Variants in AGMO observed in about 807,000 individuals in gnomAD.
The protein encoded by AGMO is glyceryl-ether monooxygenase.
A neutral mutation model predicts 60.2 loss-of-function variants in AGMO; 75 were observed. The ratio of observed to expected loss-of-function variants is 1.25; its 90% CI spans 1.03 to 1.51. AGMO has a LOEUF of 1.51. Ranked by LOEUF, AGMO falls within the 40% of genes most tolerant of loss-of-function variation. AGMO has a pLI of 0.00. For missense variants in AGMO, 763 were observed against 525.5 expected (o/e 1.45, Z -4.42); for synonymous variants, 261 against 177.1 (o/e 1.47, Z -3.76).
At chr7:15,505,004 T>C (rs936984317) in intron 3 of AGMO, among the ~76,000 whole-genome samples, 10 of 152,020 alleles carry the variant, frequency 6.6e-5, no homozygotes, top group African/African-American at 2.2e-4. Flanking sequence ...TTTAGAATTC[T>C]TGTGTGCTCC....
the AGMO span, among the ~76,000 whole-genome samples, chr7:15,153,489 T>C: frequency 6.6e-6 from 1 of 152,190 alleles, no homozygotes; most frequent in African/African-American, 2.4e-5. Context: ...TAGATTGAAG[T>C]CTTTGATCCA....
intron 5 of AGMO, among the ~76,000 whole-genome samples, chr7:15,413,122 G>C (rs1780662466): frequency 6.6e-6 from 1 of 152,170 alleles, no homozygotes; most frequent in African/African-American, 2.4e-5. Context: ...GTAAGTGAAA[G>C]AGCCTCTCAG....
chr7:15,219,069 C>G lies in AGMO; in HGVS notation c.1264-17710G>C, dbSNP rs191189309. The stretch of plus-strand genomic sequence containing the variant: ...ATTGTAGCTTCATACATTTACTGAT[C>G]AAATTTGTATTAAGTACCTCCATGC... On this transcript the variant is annotated intron_variant, in intron 12 of 12. Coordinates refer to ENST00000342526, the MANE Select transcript of AGMO (RefSeq NM_001004320.2). Among the ~76,000 whole-genome samples the G allele has an allele frequency of 3.1e-3, 469 of 152,222 alleles. 2 individuals carry two copies. Among genetic ancestry groups the G allele is most frequent in the Non-Finnish European group, 4.9e-3 (330 of 68,014 alleles).
chr7:15,292,049 A>G (rs1283544762), intron 12 of AGMO, among the ~76,000 whole-genome samples: 1 of 131,832 alleles, frequency 7.6e-6, no homozygotes, highest in Admixed American at 8.5e-5. Flanking sequence ...TTAGACTATA[A>G]TCTGCAGACA....
At chr7:15,454,912 G>T (rs563009191) in intron 3 of AGMO, among the ~76,000 whole-genome samples, 4 of 152,060 alleles carry the variant, frequency 2.6e-5, no homozygotes, top group African/African-American at 9.6e-5. Flanking sequence ...AGATGCAACC[G>T]CTTTGAACCA....
At chr7:15,268,472 T>C (rs1207520289) in intron 12 of AGMO, among the ~76,000 whole-genome samples, 1 of 152,042 alleles carries the variant, frequency 6.6e-6, no homozygotes, top group Non-Finnish European at 1.5e-5. Flanking sequence ...AAGAAAAATG[T>C]ATGCATGCAT....
rs1163885190 is a variant in AGMO at position 15,483,408 on chromosome 7, T to C, written c.410-52300A>G. Among the ~76,000 whole-genome samples, 5 of 116,728 alleles carry C rather than the reference T, an allele frequency of 4.3e-5. No homozygotes were observed. The South Asian group carries it at 1.1e-3, about 26-fold the overall frequency. The allele number at this position is 116,728 out of a possible 152,430, so 76.6% of individuals were successfully genotyped here. A position where few individuals can be genotyped will look rare whatever the true frequency, so the allele number is the denominator to read the frequency against. ...GGTGAAACCCCGTCTCTACTAAAAA[T>C]ACAAAAAATTAGCCGGGCGTGGTGG... On this transcript the variant is annotated intron_variant, in intron 3 of 12. Transcript: ENST00000342526.
At chr7:15,514,423 C>T (rs527509358) in intron 3 of AGMO, among the ~76,000 whole-genome samples, 1 of 152,272 alleles carries the variant, frequency 6.6e-6, no homozygotes, top group Non-Finnish European at 1.5e-5. Context: ...AGCCACTGAA[C>T]ACACAATGAT....
chr7:15,405,228 A>G (rs1006768423), intron 5 of AGMO, among the ~76,000 whole-genome samples: 1 of 151,996 alleles, frequency 6.6e-6, no homozygotes, highest in African/African-American at 2.4e-5. Flanking sequence ...ACAATAAACA[A>G]ACATATTGTA....
chr7:15,165,565 A>G, the AGMO span, among the ~76,000 whole-genome samples: 2 of 152,196 alleles, frequency 1.3e-5, no homozygotes, highest in East Asian at 1.9e-4. Flanking sequence ...GATAAAGTGT[A>G]TATTATTTTA....
the AGMO span, among the ~76,000 whole-genome samples, chr7:15,129,714 G>A: frequency 6.6e-6 from 1 of 152,090 alleles, no homozygotes; most frequent in Non-Finnish European, 1.5e-5. Context: ...TGCATTATGG[G>A]TGGTTTTGCC....
chr7:15,349,361 A>G (rs1354279360), intron 12 of AGMO, among the ~76,000 whole-genome samples: 1 of 152,156 alleles, frequency 6.6e-6, no homozygotes, highest in Non-Finnish European at 1.5e-5. Context: ...GTTTATAGCA[A>G]GCAAAATGTT....
At position 15,530,290 on chromosome 7, in the gene AGMO, TC is replaced by T. The variant is rs1429606991; in HGVS notation, c.409+14481del. Among the ~76,000 whole-genome samples, 267 of 41,386 alleles carry T rather than the reference TC, an allele frequency of 6.5e-3. 65 individuals carry two copies. Among genetic ancestry groups the T allele is most frequent in the African/African-American group, 0.021 (250 of 11,702 alleles). The allele number at this position is 41,386 out of a possible 152,430, so 27.2% of individuals were successfully genotyped here. A position where few individuals can be genotyped will look rare whatever the true frequency, so the allele number is the denominator to read the frequency against. Reference sequence around the variant, plus strand: ...TCTATATACGTATTTCCATATATATTCTATATACGTATTTCCATATATATTC... The same window carrying T: ...TCTATATACGTATTTCCATATATATTTATATACGTATTTCCATATATATTC... On this transcript the variant is annotated intron_variant, in intron 3 of 12. Coordinates refer to ENST00000342526, the MANE Select transcript of AGMO (RefSeq NM_001004320.2).
intron 12 of AGMO, among the ~76,000 whole-genome samples, chr7:15,273,911 T>C (rs562880686): frequency 6.6e-6 from 1 of 152,326 alleles, no homozygotes; most frequent in African/African-American, 2.4e-5. Flanking sequence ...TATCATGATT[T>C]GGCTCTGTGT....
chr7:15,405,595 T>C (rs1784664712), intron 5 of AGMO, among the ~76,000 whole-genome samples: 1 of 151,934 alleles, frequency 6.6e-6, no homozygotes, highest in African/African-American at 2.4e-5. Flanking sequence ...TTCCAGAATG[T>C]AGTCATTTGG....
At chr7:15,218,914 C>A (rs1781831297) in intron 12 of AGMO, among the ~76,000 whole-genome samples, 1 of 152,058 alleles carries the variant, frequency 6.6e-6, no homozygotes. Context: ...CAGTGCTAGA[C>A]TGAATAAGGT....
intron 11 of AGMO, 143 bp from the exon 12 acceptor site, chr7:15,365,762 GA>G (rs1178539573): frequency 3.3e-6 from 2 of 613,154 alleles, no homozygotes; most frequent in Non-Finnish European, 5.5e-6. Context: ...GAAGCAATTT[GA>G]AAACAGTGAT....
At chr7:15,325,468 TG>T (rs1781309088) in intron 12 of AGMO, among the ~76,000 whole-genome samples, 1 of 152,156 alleles carries the variant, frequency 6.6e-6, no homozygotes, top group African/African-American at 2.4e-5. Context: ...TATTTTCCGT[TG>T]TTTTTTAAAC....
intron 3 of AGMO, among the ~76,000 whole-genome samples, chr7:15,448,509 A>G (rs182783563): frequency 2.4e-4 from 37 of 152,348 alleles, no homozygotes; most frequent in African/African-American, 7.7e-4. Context: ...AGTAGTGCAA[A>G]GGGACTAAGA....
Sources: allele counts gnomAD v4.1 joint callset (sites outside exome capture counted in the v4.1 genomes callset), GRCh38; gene constraint gnomAD v4.1.1; transcripts MANE v1.5; gene names NCBI Gene and HGNC (gene_info 2026-07-23, HGNC 2026-07-21).